HCN2: variants seen among roughly 807,000 people sequenced by gnomAD.
The protein encoded by HCN2 is hyperpolarization activated cyclic nucleotide gated potassium and sodium channel 2.
In HCN2, 20 loss-of-function variants were observed where a neutral mutation model predicts 52.3. That is an observed-to-expected ratio of 0.38 (90% CI 0.27 to 0.56). The LOEUF (loss-of-function observed/expected upper bound fraction) is 0.56. HCN2 is among the 20% of genes least tolerant of loss of function. HCN2 has a pLI of 0.71. For synonymous variants in HCN2, 694 were observed against 537.0 expected (o/e 1.29, Z -4.04); for missense variants, 981 against 1,207.7 (o/e 0.81, Z 2.78).
At chr19:615,492 C>T (rs1221971855) in intron 7 of HCN2, among the ~76,000 whole-genome samples, 3 of 152,122 alleles carry the variant, frequency 2.0e-5, no homozygotes, top group South Asian at 2.1e-4. Context: ...CCAGCCCGGG[C>T]GACAGAGCAA....
chr19:600,814 A>G (rs575046545), intron 1 of HCN2, among the ~76,000 whole-genome samples: 1 of 152,202 alleles, frequency 6.6e-6, no homozygotes, highest in African/African-American at 2.4e-5. Flanking sequence ...CCAATTAGCC[A>G]TTGTAAAACC....
chr19:609,598 G>A (rs1205975116), intron 4 of HCN2, among the ~76,000 whole-genome samples: 5 of 152,064 alleles, frequency 3.3e-5, no homozygotes, highest in Admixed American at 1.3e-4. Flanking sequence ...AGACCTCATC[G>A]CTACAAAAAA....
At position 591,370 on chromosome 19, in the gene HCN2, G is replaced by A. The variant is rs1982867443; in HGVS notation, c.632+793G>A. The stretch of plus-strand genomic sequence containing the variant: ...TGTGGCCGGAGAGGTGTGTCTCCAG[G>A]AGTGTGTTTGCGTGGTGGTCGCGGG... On this transcript the variant is annotated intron_variant, in intron 1 of 7. Transcript: ENST00000251287. The surrounding 1 kb of genome is among the most constrained non-coding windows in gnomAD (Gnocchi z 4.1). The A allele has an allele frequency of 6.6e-6, 1 of 152,576 alleles. No individual in the cohort carries two copies. Among genetic ancestry groups the A allele is most frequent in the Non-Finnish European group, 1.5e-5 (1 of 68,302 alleles). The allele number at this position is 152,576 out of a possible 1,614,324, so 9.5% of individuals were successfully genotyped here.
In HCN2 at chr19:590,372, G is replaced by A; in HGVS notation, c.427G>A (p.Glu143Lys). 1.7e-6 allele frequency: 2 copies of A among 1,173,354 alleles called. No homozygotes were observed. Among genetic ancestry groups the A allele is most frequent in the Non-Finnish European group, 2.1e-6 (2 of 949,896 alleles). 72.7% of individuals were successfully genotyped at this position (1,173,354 alleles called of 1,614,324 possible). A position where few individuals can be genotyped will look rare whatever the true frequency, so the allele number is the denominator to read the frequency against. The stretch of plus-strand genomic sequence containing the variant: ...CGCGCCGGGGCCGGGGCCGGCGGAG[G>A]AGGCGGGCAGCGAGGAGGCGGGCCC... ...GPAPGPGPAE[E>K]AGSEEAGPAG... The change falls in exon 1 of 8, where the codon GAG (glutamate) becomes AAG (lysine). Residue 143 changes from glutamate (E) to lysine (K), a missense_variant. Glu to Lys is a moderately conservative substitution (Grantham distance 56). Around this residue, in one of 6 missense-constraint regions of HCN2, gnomAD observed 215 missense variants for 179.4 expected, o/e 1.20. Transcript: ENST00000251287. This position sits in a 1 kb window ranked among gnomAD's most constrained non-coding sequence, Gnocchi z 7.2.
rs1364064439 is a variant in HCN2, at chr19:616,238, C to T, written c.2434C>T (p.Arg812Cys). The T allele has an allele frequency of 1.2e-5, 12 of 1,000,496 alleles. No homozygotes were observed. The highest frequency in any genetic ancestry group is 1.1e-4 in the East Asian group (1 of 9,442). 62.0% of individuals were successfully genotyped at this position (1,000,496 alleles called of 1,614,324 possible). The change falls in exon 8 of 8, where the codon CGC (arginine) becomes TGC (cysteine). Residue 812 changes from arginine to cysteine, a missense_variant. Arg to Cys is a radical substitution (Grantham distance 180, BLOSUM62 -3). Coordinates refer to ENST00000251287, the MANE Select transcript of HCN2 (RefSeq NM_001194.4). Reference protein sequence around the residue: ...PLAGPALPARRLSRASRPLSA... With the variant: ...PLAGPALPARCLSRASRPLSA... Reference sequence around the variant, plus strand: ...TGCTGGGCCCGCCCTGCCCGCGCGCCGCCTGAGCCGCGCGTCGCGCCCACT... The same window carrying T: ...TGCTGGGCCCGCCCTGCCCGCGCGCTGCCTGAGCCGCGCGTCGCGCCCACT...
At chr19:613,669 GGGGA>G (rs1983760936) in intron 6 of HCN2, among the ~76,000 whole-genome samples, 179 bp from the exon 7 acceptor site, 1 of 86,310 alleles carries the variant, frequency 1.2e-5, no homozygotes. Context: ...GGCCGGGGAT[GGGGA>G]TGGGGCCGGG....
At chr19:610,758 C>G (rs935511462) in intron 5 of HCN2, among the ~76,000 whole-genome samples, 5 of 152,192 alleles carry the variant, frequency 3.3e-5, no homozygotes. Flanking sequence ...GGTTTAACTC[C>G]CAGCTCTGTT....
rs1020381905 is a variant in HCN2, at chr19:616,657, C to T, written c.*183C>T. The T allele has an allele frequency of 4.2e-5, 11 of 264,756 alleles. No individual in the cohort carries two copies. Among genetic ancestry groups the T allele is most frequent in the Admixed American group, 1.1e-4 (2 of 17,582 alleles). 16.4% of individuals were successfully genotyped at this position (264,756 alleles called of 1,614,324 possible). A position where few individuals can be genotyped will look rare whatever the true frequency, so the allele number is the denominator to read the frequency against. ...CAGCCCCCTCCGCGCCCCCGGCCGT[C>T]CCCCCTCATCGCCCCGCGCCCACCC... On this transcript the variant is annotated 3_prime_UTR_variant, in exon 8 of 8. Transcript: ENST00000251287.
At chr19:595,507 A>T (rs1184666682) in intron 1 of HCN2, among the ~76,000 whole-genome samples, 3 of 152,038 alleles carry the variant, frequency 2.0e-5, no homozygotes, top group Non-Finnish European at 4.4e-5. Context: ...AACCCGGAGC[A>T]TCAACCTCCG....
At chr19:602,905 C>G (rs1983254202) in intron 1 of HCN2, among the ~76,000 whole-genome samples, 1 of 151,084 alleles carries the variant, frequency 6.6e-6, no homozygotes, top group Admixed American at 6.6e-5. Context: ...GGGTGGGAGC[C>G]TGGTCCCGAG....
chr19:610,826 AGGCTGAGT>A (rs1181822439), intron 5 of HCN2, among the ~76,000 whole-genome samples: 2 of 152,142 alleles, frequency 1.3e-5, no homozygotes, highest in Non-Finnish European at 2.9e-5. Flanking sequence ...AAATACCCAC[AGGCTGAGT>A]GGCTTGAACA....
chr19:601,848 C>G (rs532157517), intron 1 of HCN2, among the ~76,000 whole-genome samples: 1 of 151,938 alleles, frequency 6.6e-6, no homozygotes, highest in Non-Finnish European at 1.5e-5. Flanking sequence ...GGCCCTGAAC[C>G]GACAGGACCT....
In HCN2 at chr19:608,132, A is replaced by G; in HGVS notation, c.1387A>G (p.Thr463Ala). 2 of 1,613,262 alleles carry G rather than the reference A, an allele frequency of 1.2e-6. No homozygotes were observed. The highest frequency in any genetic ancestry group is 1.7e-6 in the Non-Finnish European group (2 of 1,180,008). Residue 463 changes from threonine to alanine, a missense_variant, in exon 4 of 8, where the codon ACT (threonine) becomes GCT (alanine). By Grantham distance (58) the Thr-to-Ala change is moderately conservative. Around this residue, in one of 6 missense-constraint regions of HCN2, gnomAD observed 282 missense variants for 553.8 expected, o/e 0.51. Transcript: ENST00000251287. ...TCYAMFIGHA[T>A]ALIQSLDSSR... ...CTACGCCATGTTCATCGGCCACGCC[A>G]CTGCCCTCATCCAGTCGCTGGACTC...
chr19:595,592 C>T (rs1230604056), intron 1 of HCN2, among the ~76,000 whole-genome samples: 1 of 152,232 alleles, frequency 6.6e-6, no homozygotes, highest in Non-Finnish European at 1.5e-5. Context: ...CTCCAAGGAG[C>T]CCTCCCACCT....
chr19:603,872 C>G lies in HCN2; in HGVS notation c.961C>G (p.Arg321Gly). Residue 321 changes from arginine to glycine, a missense_variant, in exon 2 of 8, where the codon CGC (arginine) becomes GGC (glycine). Arg to Gly is a moderately radical substitution (Grantham distance 125). Transcript: ENST00000251287. ...GIDSEVYKTA[R>G]ALRIVRFTKI... ...TGACTCCGAGGTCTACAAGACGGCACGCGCCCTGCGCATCGTGCGCTTCAC... is the reference window on the plus strand; with the variant it reads ...TGACTCCGAGGTCTACAAGACGGCAGGCGCCCTGCGCATCGTGCGCTTCAC... 1 of 1,612,520 alleles carries G rather than the reference C, an allele frequency of 6.2e-7. No individual in the cohort carries two copies. Among genetic ancestry groups the G allele is most frequent in the Non-Finnish European group, 8.5e-7 (1 of 1,179,840 alleles).
Position 608,110 on chromosome 19 carries a change from C to T in HCN2, c.1365C>T (p.Tyr455=), listed in dbSNP as rs373176359. 2.1e-5 allele frequency: 34 copies of T among 1,613,356 alleles called. No homozygotes were observed. Among genetic ancestry groups the T allele is most frequent in the South Asian group, 4.4e-5 (4 of 91,082 alleles). The change falls in exon 4 of 8, where the codon TAC becomes TAT. Residue 455 remains tyrosine (Y), a synonymous_variant. Transcript: ENST00000251287. ...GCATGATTGTGGGTGCCACCTGCTA[C>T]GCCATGTTCATCGGCCACGCCACTG... is the stretch of plus-strand genomic sequence containing the variant. The part of the protein sequence containing the change: ...MLSMIVGATC[Y]AMFIGHATAL...
At position 617,091 on chromosome 19, in the gene HCN2, C is replaced by A; in HGVS notation, c.*617C>A. 3 of 582,142 alleles carry A rather than the reference C, an allele frequency of 5.2e-6. 1 individual carries two copies. The highest frequency in any genetic ancestry group is 3.8e-5 in the South Asian group (2 of 52,546). 36.1% of individuals were successfully genotyped at this position (582,142 alleles called of 1,614,324 possible). ...CGAGCCGAGGCAGCAGTGCCCCCAC[C>A]GTGGCCCCCCACGCCCCATTAACCC... On this transcript the variant is annotated 3_prime_UTR_variant, in exon 8 of 8. Coordinates refer to ENST00000251287, the MANE Select transcript of HCN2 (RefSeq NM_001194.4).
chr19:600,507 AT>A (rs936605172), intron 1 of HCN2, among the ~76,000 whole-genome samples: 25 of 146,766 alleles, frequency 1.7e-4, no homozygotes, highest in African/African-American at 3.2e-4. Context: ...TGCCCAGCCA[AT>A]TTTTTTTTTT....
At chr19:594,217 CCGGT>C in intron 1 of HCN2, among the ~76,000 whole-genome samples, 1 of 115,120 alleles carries the variant, frequency 8.7e-6, no homozygotes, top group Non-Finnish European at 1.7e-5. Flanking sequence ...CTCCCTGCCC[CCGGT>C]GTCACCGAGG....
Sources: gnomAD v4.1 joint callset for allele counts (sites outside exome capture counted in the v4.1 genomes callset) on GRCh38, gnomAD v4.1.1 for gene constraint, gnomAD v4.1.1 regional missense constraint, Gnocchi (gnomAD v3.1) non-coding constraint, MANE v1.5 for transcripts, NCBI Gene and HGNC (gene_info 2026-07-23, HGNC 2026-07-21) for gene names.